Variants in GUCY1A2 observed in about 807,000 individuals in gnomAD.
The protein encoded by GUCY1A2 is guanylate cyclase soluble subunit alpha-2.
GUCY1A2 carries 27 observed loss-of-function variants against 63.5 expected under a neutral mutation model. The ratio of observed to expected loss-of-function variants is 0.43; its 90% CI spans 0.31 to 0.59. The LOEUF (loss-of-function observed/expected upper bound fraction) is 0.59, where lower values mean the gene tolerates loss of function less well. Ranked by LOEUF, GUCY1A2 falls within the 20% of genes least tolerant of loss-of-function variation. The pLI, the probability that GUCY1A2 is intolerant of heterozygous loss-of-function variation, is 0.11. For missense variants in GUCY1A2, 768 were observed against 913.3 expected, an observed-to-expected ratio of 0.84 and a Z score of 2.05; for synonymous variants, 364 against 343.5, an observed-to-expected ratio of 1.06 and a Z score of -0.66.
chr11:106,927,721 C>T (rs914749260), intron 4 of GUCY1A2, among the ~76,000 whole-genome samples: 1 of 151,600 alleles, frequency 6.6e-6, no homozygotes, highest in Non-Finnish European at 1.5e-5. Context: ...CCCACCACCA[C>T]GCCCGGCTAA....
intron 3 of GUCY1A2, among the ~76,000 whole-genome samples, chr11:106,969,852 A>G (rs779927257): frequency 2.0e-5 from 3 of 152,274 alleles, no homozygotes; most frequent in South Asian, 2.1e-4. Flanking sequence ...CCCAGAGGCT[A>G]ATGGTGTGAC....
At chr11:106,816,113 T>A (rs1006895092) in intron 4 of GUCY1A2, among the ~76,000 whole-genome samples, 1 of 146,472 alleles carries the variant, frequency 6.8e-6, no homozygotes, top group East Asian at 2.0e-4. Flanking sequence ...AAATACGATC[T>A]AATTAATATC....
chr11:106,787,386 G>T (rs1235405956), intron 5 of GUCY1A2, among the ~76,000 whole-genome samples: 1 of 133,460 alleles, frequency 7.5e-6, no homozygotes, highest in Non-Finnish European at 1.6e-5. Context: ...GTTTCCACAA[G>T]TGAGAACGTG....
At chr11:106,768,563 A>C (rs1864202607) in intron 6 of GUCY1A2, among the ~76,000 whole-genome samples, 1 of 152,104 alleles carries the variant, frequency 6.6e-6, no homozygotes, top group Non-Finnish European at 1.5e-5. Flanking sequence ...TTTTATGCTT[A>C]TTTTCTTCAT....
intron 5 of GUCY1A2, among the ~76,000 whole-genome samples, chr11:106,791,085 A>C (rs1463260022): frequency 6.6e-6 from 1 of 152,090 alleles, no homozygotes; most frequent in Non-Finnish European, 1.5e-5. Flanking sequence ...ACTGACTTTC[A>C]AGTTTATTTA....
chr11:106,865,231 T>A (rs1859574858), intron 4 of GUCY1A2, among the ~76,000 whole-genome samples: 1 of 152,114 alleles, frequency 6.6e-6, no homozygotes, highest in Admixed American at 6.6e-5. Context: ...TTCTCTGGGA[T>A]CAGTAGTGAT....
intron 6 of GUCY1A2, among the ~76,000 whole-genome samples, chr11:106,723,804 A>G (rs939746656): frequency 6.6e-6 from 1 of 152,198 alleles, no homozygotes; most frequent in Admixed American, 6.5e-5. Context: ...AGCCTGGGCA[A>G]CAAGAGCGAA....
Position 107,017,893 on chromosome 11 carries a change from C to T in GUCY1A2, c.163G>A (p.Ala55Thr), listed in dbSNP as rs1486540704. The T allele has an allele frequency of 5.6e-6, 7 of 1,246,048 alleles. No homozygotes were observed. In the East Asian group the frequency reaches 2.0e-4, roughly 35 times the overall value. 77.2% of individuals were successfully genotyped at this position (1,246,048 alleles called of 1,614,324 possible). A position where few individuals can be genotyped will look rare whatever the true frequency, so the allele number is the denominator to read the frequency against. Residue 55 changes from alanine to threonine, a missense_variant, in exon 1 of 8, where the codon GCT becomes ACT. By Grantham distance (58) the Ala-to-Thr change is moderately conservative (BLOSUM62 0). Coordinates refer to ENST00000526355, the MANE Select transcript of GUCY1A2 (RefSeq NM_000855.3). ...GGGGTCGGGGCCGGGGCGGCGGCAG[C>T]GGCAGCTGCGGCCGGGCTGGGCTCC... ...PLEPSPAAAA[A>T]AAAPAPTPAA... is the part of the protein sequence containing the mutation.
chr11:106,948,295 T>A (rs1296167503), intron 3 of GUCY1A2, among the ~76,000 whole-genome samples: 1 of 152,090 alleles, frequency 6.6e-6, no homozygotes, highest in Non-Finnish European at 1.5e-5. Flanking sequence ...TTTGCAAAAA[T>A]AGTAGCAGAT....
intron 4 of GUCY1A2, among the ~76,000 whole-genome samples, chr11:106,901,220 AATCAACTCCTC>A (rs1860128491): frequency 2.0e-5 from 3 of 152,180 alleles, no homozygotes. Context: ...CATCCATAAG[AATCAACTCCTC>A]ATATGTTCAA....
At position 106,999,561 on chromosome 11, in the gene GUCY1A2, A is replaced by G. The variant is rs115034897; in HGVS notation, c.304-13430T>C. Among the ~76,000 whole-genome samples the G allele has an allele frequency of 5.4e-3, 828 of 152,316 alleles. 6 individuals carry two copies. The highest frequency in any genetic ancestry group is 0.018 in the African/African-American group (751 of 41,586). On this transcript the variant is annotated intron_variant, in intron 1 of 7. Transcript: ENST00000526355. ...AGCTGAATACCTTATCTAATGGCCA[A>G]AATGTGTTGGTTTGATCTTATTTGT...
At chr11:106,935,815 C>G (rs940789339) in intron 4 of GUCY1A2, among the ~76,000 whole-genome samples, 1 of 150,256 alleles carries the variant, frequency 6.7e-6, no homozygotes, top group Non-Finnish European at 1.5e-5. Context: ...CCACTGCACT[C>G]CAGCCTGGGT....
chr11:106,963,470 A>C (rs536480229), intron 3 of GUCY1A2, among the ~76,000 whole-genome samples: 1 of 152,336 alleles, frequency 6.6e-6, no homozygotes, highest in African/African-American at 2.4e-5. Context: ...TCTGTGTAGA[A>C]GAAAGAAATG....
intron 3 of GUCY1A2, among the ~76,000 whole-genome samples, chr11:106,959,592 A>G (rs1375844846): frequency 2.0e-5 from 3 of 152,218 alleles, no homozygotes; most frequent in African/African-American, 7.2e-5. Context: ...CTGCCGGCTC[A>G]AGATCCACCT....
chr11:106,796,579 C>A (rs1403293273), intron 5 of GUCY1A2, among the ~76,000 whole-genome samples: 1 of 152,130 alleles, frequency 6.6e-6, no homozygotes, highest in Non-Finnish European at 1.5e-5. Context: ...AAATTCTTTT[C>A]TTTAAGAATG....
At chr11:106,869,813 T>C (rs1033707517) in intron 4 of GUCY1A2, among the ~76,000 whole-genome samples, 4 of 152,124 alleles carry the variant, frequency 2.6e-5, no homozygotes, top group Non-Finnish European at 5.9e-5. Flanking sequence ...ACATGTATGT[T>C]TATTGCAGCA....
intron 1 of GUCY1A2, 27 bp from the exon 2 acceptor site, chr11:106,986,158 CATATT>C (rs778240494): frequency 1.2e-4 from 142 of 1,160,788 alleles, no homozygotes; most frequent in Non-Finnish European, 1.8e-4. Flanking sequence ...ATAATAAAAA[CATATT>C]ATCAGCAAAT....
chr11:106,720,410 T>C (rs1200455434), intron 6 of GUCY1A2, among the ~76,000 whole-genome samples: 1 of 152,164 alleles, frequency 6.6e-6, no homozygotes, highest in East Asian at 1.9e-4. Context: ...TGCCAAAAGA[T>C]GTGTTAGCTT....
chr11:106,811,313 T>A (rs1858759327), intron 4 of GUCY1A2, among the ~76,000 whole-genome samples: 1 of 151,946 alleles, frequency 6.6e-6, no homozygotes, highest in Admixed American at 6.6e-5. Flanking sequence ...GCATGAACAA[T>A]GAACACCAGT....
Sources: gnomAD v4.1 joint callset for allele counts (sites outside exome capture counted in the v4.1 genomes callset) on GRCh38, gnomAD v4.1.1 for gene constraint, MANE v1.5 for transcripts, NCBI Gene and HGNC (gene_info 2026-07-23, HGNC 2026-07-21) for gene names.